The following PRCP variants were observed in gnomAD, a reference collection of about 807,000 sequenced individuals.
The protein encoded by PRCP is prolylcarboxypeptidase.
Under a neutral mutation model 54.2 loss-of-function variants are expected in PRCP, and 46 were observed. That is an observed-to-expected ratio of 0.85 (90% CI 0.67 to 1.09). PRCP has a LOEUF of 1.09. Among genes scored for constraint, PRCP ranks in the 50% least tolerant of loss-of-function variants. The probability of loss-of-function intolerance (pLI) is 0.00; values close to 1 mark genes in which losing one functional copy is unlikely to be tolerated. For synonymous variants in PRCP, 240 were observed against 212.2 expected (o/e 1.13, Z -1.14); for missense variants, 613 against 596.8 (o/e 1.03, Z -0.28).
chr11:82,868,240 A>G (rs1241433941), intron 1 of PRCP, among the ~76,000 whole-genome samples: 3 of 152,234 alleles, frequency 2.0e-5, no homozygotes, highest in African/African-American at 7.2e-5. Context: ...CATTGAAGAT[A>G]TATATTATTT....
At position 82,900,238 on chromosome 11, in the gene PRCP, C is replaced by T; in HGVS notation, c.165G>A (p.Gln55=). ...AKNYSVLYFQ[Q]KVDHFGFNTV... ...CGAAGCCCCCGCTCCCCCTTACCTT[C>T]TGTTGGAAGTAGAGAACCGAATAGT... Residue 55 remains glutamine, a synonymous_variant, in exon 1 of 9, where the codon CAG becomes CAA. Coordinates refer to ENST00000313010, the MANE Select transcript of PRCP (RefSeq NM_005040.4). The T allele has an allele frequency of 6.2e-7, 1 of 1,614,142 alleles. No homozygotes were observed. The highest frequency in any genetic ancestry group is 8.5e-7 in the Non-Finnish European group (1 of 1,179,992).
At chr11:82,885,087 G>A (rs1859834163) in intron 1 of PRCP, among the ~76,000 whole-genome samples, 1 of 152,120 alleles carries the variant, frequency 6.6e-6, no homozygotes, top group African/African-American at 2.4e-5. Flanking sequence ...TTTTTTAATG[G>A]CAGCTATCTT....
intron 1 of PRCP, among the ~76,000 whole-genome samples, chr11:82,875,548 A>G (rs1218896487): frequency 6.6e-6 from 1 of 152,226 alleles, no homozygotes; most frequent in African/African-American, 2.4e-5. Context: ...TCCTCAGCAA[A>G]GACAAGGCTC....
At chr11:82,878,347 T>C (rs2121231780) in intron 1 of PRCP, among the ~76,000 whole-genome samples, 1 of 152,262 alleles carries the variant, frequency 6.6e-6, no homozygotes, top group South Asian at 2.1e-4. Flanking sequence ...TTTTGAAATG[T>C]GAGGACATGA....
chr11:82,863,848 G>T (rs534450420), intron 1 of PRCP, among the ~76,000 whole-genome samples: 1 of 152,272 alleles, frequency 6.6e-6, no homozygotes, highest in Non-Finnish European at 1.5e-5. Context: ...AGCCTTGATT[G>T]TTAAGATTGG....
chr11:82,896,875 A>T (rs80270346), intron 1 of PRCP, among the ~76,000 whole-genome samples: 6,631 of 152,136 alleles, frequency 0.044, 210 homozygotes, highest in African/African-American at 0.087. Flanking sequence ...ATAGAGAGAG[A>T]AACACACAGA....
At chr11:82,859,865 A>G in intron 2 of PRCP, 112 bp downstream of exon 2, 1 of 1,088,610 alleles carries the variant, frequency 9.2e-7, no homozygotes, top group Non-Finnish European at 1.2e-6. Context: ...TTTTTACAGA[A>G]CTTTACAATT....
chr11:82,875,921 C>T (rs953636577), intron 1 of PRCP, among the ~76,000 whole-genome samples: 2 of 152,170 alleles, frequency 1.3e-5, no homozygotes, highest in East Asian at 1.9e-4. Context: ...TCTGGACATA[C>T]GCTTTCTGAA....
At chr11:82,833,491 G>T (rs1331385308) in intron 8 of PRCP, among the ~76,000 whole-genome samples, 2 of 152,184 alleles carry the variant, frequency 1.3e-5, no homozygotes, top group African/African-American at 2.4e-5. Context: ...TTACACTGTT[G>T]GTGGGAGTGT....
chr11:82,842,989 C>T (rs146708347), intron 6 of PRCP, among the ~76,000 whole-genome samples: 1,625 of 152,240 alleles, frequency 0.011, 16 homozygotes, highest in Middle Eastern at 0.027. Flanking sequence ...CAGACCTCAG[C>T]ACTATTCCTA....
Position 82,839,260 on chromosome 11 carries a change from C to A in PRCP, c.1086+1G>T. On this transcript the variant is annotated splice_donor_variant, in intron 7 of 8. Coordinates refer to ENST00000313010, the MANE Select transcript of PRCP (RefSeq NM_005040.4). LOFTEE classifies it high-confidence loss of function. Reference sequence around the variant, plus strand: ...CACTTGGGGAAATTATACATATTTACCTGATAGCTCCAACCCAGTGTTCCC... The same window carrying A: ...CACTTGGGGAAATTATACATATTTAACTGATAGCTCCAACCCAGTGTTCCC... 2 of 1,610,270 alleles carry A rather than the reference C, an allele frequency of 1.2e-6. No individual in the cohort carries two copies. The highest frequency in any genetic ancestry group is 1.7e-6 in the Non-Finnish European group (2 of 1,179,018).
chr11:82,860,125 A>AAAAAC lies in PRCP; in HGVS notation c.169-13_169-9dup, dbSNP rs763330933. 3 of 1,473,274 alleles carry AAAAAC rather than the reference A, an allele frequency of 2.0e-6. No individual in the cohort carries two copies. The highest frequency in any genetic ancestry group is 2.7e-6 in the Non-Finnish European group (3 of 1,099,958). 91.3% of individuals were successfully genotyped at this position (1,473,274 alleles called of 1,614,324 possible). On this transcript the variant is annotated splice_polypyrimidine_tract_variant and intron_variant, in intron 1 of 8. Coordinates refer to ENST00000313010, the MANE Select transcript of PRCP (RefSeq NM_005040.4). Reference sequence around the variant, plus strand: ...AAATCCAAAATGATCAACCTGTGATAAAAACAAAACAAAACATATTTCAAA... The same window carrying AAAAAC: ...AAATCCAAAATGATCAACCTGTGATAAAAACAAAACAAAACAAAACATATTTCAAA...
At chr11:82,834,160 C>A (rs1858460703) in intron 8 of PRCP, among the ~76,000 whole-genome samples, 1 of 152,210 alleles carries the variant, frequency 6.6e-6, no homozygotes, top group African/African-American at 2.4e-5. Context: ...AGACACCAAA[C>A]CTGCCAGCAT....
intron 1 of PRCP, among the ~76,000 whole-genome samples, chr11:82,889,978 A>G (rs957527019): frequency 3.3e-5 from 5 of 151,816 alleles, no homozygotes; most frequent in African/African-American, 7.3e-5. Context: ...AGGCGGTAAT[A>G]GGGGCTGCAA....
At chr11:82,872,645 C>T (rs1459865160) in intron 1 of PRCP, among the ~76,000 whole-genome samples, 1 of 152,162 alleles carries the variant, frequency 6.6e-6, no homozygotes, top group Non-Finnish European at 1.5e-5. Flanking sequence ...GACTCTTCCC[C>T]GGAGCCCGGA....
chr11:82,838,714 T>C lies in PRCP; in HGVS notation c.1087-140A>G, dbSNP rs1321282255. 4.2e-6 allele frequency: 3 copies of C among 720,924 alleles called. No homozygotes were observed. In the African/African-American group the frequency reaches 5.4e-5, roughly 13 times the overall value. 44.7% of individuals were successfully genotyped at this position (720,924 alleles called of 1,614,324 possible). A position where few individuals can be genotyped will look rare whatever the true frequency, so the allele number is the denominator to read the frequency against. ...AAGGCAGCTTCAACGCCCTGTTCTT[T>C]ACTTCTGCGCCATATAATCTCTCAT... On this transcript the variant is annotated intron_variant, in intron 7 of 8. Transcript: ENST00000313010.
intron 1 of PRCP, among the ~76,000 whole-genome samples, chr11:82,861,601 A>G (rs1184467243): frequency 6.6e-6 from 1 of 152,148 alleles, no homozygotes; most frequent in African/African-American, 2.4e-5. Flanking sequence ...ATTCCTGCCG[A>G]AAATGTTTCA....
At chr11:82,883,212 T>C (rs997377532) in intron 1 of PRCP, among the ~76,000 whole-genome samples, 3 of 152,102 alleles carry the variant, frequency 2.0e-5, no homozygotes, top group African/African-American at 7.2e-5. Flanking sequence ...GAAGTAGCTA[T>C]AAAGTGCAAT....
Position 82,883,028 on chromosome 11 carries a change from G to A in PRCP, c.168+17207C>T, listed in dbSNP as rs545706278. 1.1e-4 allele frequency among the ~76,000 whole-genome samples: 17 copies of A among 152,238 alleles called. No individual in the cohort carries two copies. In the South Asian group the frequency reaches 3.5e-3, roughly 32 times the overall value. On this transcript the variant is annotated intron_variant, in intron 1 of 8. Coordinates refer to ENST00000313010, the MANE Select transcript of PRCP (RefSeq NM_005040.4). ...ACTGGCAGACTGTTGACAAAACCAAGTACTAATGGTAGAAGAATAACTTCA... is the reference window on the plus strand; with the variant it reads ...ACTGGCAGACTGTTGACAAAACCAAATACTAATGGTAGAAGAATAACTTCA...
Sources: gnomAD v4.1 joint callset for allele counts (sites outside exome capture counted in the v4.1 genomes callset) on GRCh38, gnomAD v4.1.1 for gene constraint, MANE v1.5 for transcripts, NCBI Gene and HGNC (gene_info 2026-07-23, HGNC 2026-07-21) for gene names.